The following SUV39H2 variants were observed in gnomAD, a reference collection of about 807,000 sequenced individuals.
SUV39H2 encodes the protein SUV39H2 histone lysine methyltransferase.
SUV39H2 carries 10 observed loss-of-function variants against 47.5 expected under a neutral mutation model. The observed-to-expected ratio is 0.21, with a 90% CI of 0.13 to 0.36. The LOEUF (loss-of-function observed/expected upper bound fraction) is 0.36, where lower values mean the gene tolerates loss of function less well. Among genes scored for constraint, SUV39H2 ranks in the 10% least tolerant of loss-of-function variants. SUV39H2 has a pLI of 1.00. For missense variants in SUV39H2, 266 were observed against 487.4 expected (o/e 0.55, Z 4.28); for synonymous variants, 159 against 166.8 (o/e 0.95, Z 0.36).
At position 14,898,202 on chromosome 10, in the gene SUV39H2, C is replaced by CTTTTTTTT. The variant is rs919860514; in HGVS notation, c.849+706_849+713dup. On this transcript the variant is annotated intron_variant, in intron 3 of 5. Transcript: ENST00000354919. ...AAAACTCAGTGAGGTAGTACTGTTT[C>CTTTTTTTT]TTTTTTTTTTTTTTTTTTTTTTTTT... 2.2e-3 allele frequency: 125 copies of CTTTTTTTT among 56,154 alleles called. 7 individuals are homozygous for CTTTTTTTT. The highest frequency in any genetic ancestry group is 5.6e-3 in the African/African-American group (79 of 14,150). 3.5% of individuals were successfully genotyped at this position (56,154 alleles called of 1,614,324 possible).
At position 14,896,718 on chromosome 10, in the gene SUV39H2, C is replaced by G. The variant is rs189147200; in HGVS notation, c.178-128C>G. On this transcript the variant is annotated intron_variant, in intron 2 of 5. Coordinates refer to ENST00000354919, the MANE Select transcript of SUV39H2 (RefSeq NM_001193424.2). ...TACTTCATGTGTTAGGAACCTGTGA[C>G]TACATGTTCTGAACTGTTAGTAAGA... 1.6e-3 allele frequency: 1,079 copies of G among 677,822 alleles called. 4 individuals carry two copies. Among genetic ancestry groups the G allele is most frequent in the Middle Eastern group, 5.5e-3 (13 of 2,362 alleles). The allele number at this position is 677,822 out of a possible 1,614,324, so 42.0% of individuals were successfully genotyped here.
chr10:14,898,069 T>C (rs1833713453), intron 3 of SUV39H2: 1 of 150,506 alleles, frequency 6.6e-6, no homozygotes, highest in Admixed American at 6.6e-5. Context: ...GCAAATTTAT[T>C]TGTATACAAA....
chr10:14,899,125 G>A, intron 3 of SUV39H2: 1 of 666,698 alleles, frequency 1.5e-6, no homozygotes, highest in South Asian at 1.6e-5. Context: ...TTCCAGACCA[G>A]TGTGGGCAAC....
chr10:14,897,637 G>A, intron 3 of SUV39H2, 120 bp downstream of exon 3: 2 of 901,524 alleles, frequency 2.2e-6, no homozygotes, highest in Non-Finnish European at 3.0e-6. Flanking sequence ...TTGCAGATAT[G>A]TAGAAATTTA....
At chr10:14,881,722 C>T (rs915515504) in intron 2 of SUV39H2, 77 bp downstream of exon 2, 7 of 1,226,910 alleles carry the variant, frequency 5.7e-6, no homozygotes, top group Non-Finnish European at 6.4e-6. Flanking sequence ...ATAAAAAGAA[C>T]ATTAAAAGAA....
At chr10:14,889,681 A>C (rs533606068) in intron 2 of SUV39H2, among the ~76,000 whole-genome samples, 13 of 152,300 alleles carry the variant, frequency 8.5e-5, no homozygotes, top group Admixed American at 2.0e-4. Context: ...ATAACACAGG[A>C]GGTAGGGGTG....
Position 14,902,900 on chromosome 10 carries a change from A to G in SUV39H2, c.*388A>G, listed in dbSNP as rs1287971612. The G allele has an allele frequency of 6.5e-6, 1 of 154,558 alleles. No individual in the cohort carries two copies. The highest frequency in any genetic ancestry group is 1.4e-5 in the Non-Finnish European group (1 of 69,498). The allele number at this position is 154,558 out of a possible 1,614,324, so 9.6% of individuals were successfully genotyped here. A position where few individuals can be genotyped will look rare whatever the true frequency, so the allele number is the denominator to read the frequency against. Reference sequence around the variant, plus strand: ...TGCCATACACCTCAAATTCGGAGAAACAGTTAATTTGGGCAAATCTACAGT... The same window carrying G: ...TGCCATACACCTCAAATTCGGAGAAGCAGTTAATTTGGGCAAATCTACAGT... On this transcript the variant is annotated 3_prime_UTR_variant, in exon 6 of 6. Transcript: ENST00000354919.
chr10:14,900,983 G>A, intron 4 of SUV39H2, 150 bp from the exon 5 acceptor site: 1 of 933,774 alleles, frequency 1.1e-6, no homozygotes, highest in Non-Finnish European at 1.6e-6. Flanking sequence ...CTTTTTAAAT[G>A]TGCATGCCTC....
At chr10:14,879,777 G>C (rs886090757) in intron 1 of SUV39H2, 4 of 152,156 alleles carry the variant, frequency 2.6e-5, no homozygotes, top group African/African-American at 9.7e-5. Context: ...AGAATGTCAG[G>C]GGTTACTGTG....
rs1404624946 is a variant in SUV39H2, at chr10:14,903,336, TGGA to T, written c.*825_*827del. On this transcript the variant is annotated 3_prime_UTR_variant, in exon 6 of 6. Transcript: ENST00000354919. ...AAGGGCGCCTGTTAGTAACATGAAT[TGGA>T]AATCTGTGTCGAGTACCTCTGATCT... is the stretch of plus-strand genomic sequence containing the variant. 1 of 152,158 alleles carries T rather than the reference TGGA, an allele frequency of 6.6e-6. No individual in the cohort carries two copies. Among genetic ancestry groups the T allele is most frequent in the Non-Finnish European group, 1.5e-5 (1 of 68,034 alleles). 9.4% of individuals were successfully genotyped at this position (152,158 alleles called of 1,614,324 possible). A position where few individuals can be genotyped will look rare whatever the true frequency, so the allele number is the denominator to read the frequency against.
intron 2 of SUV39H2, among the ~76,000 whole-genome samples, chr10:14,891,244 G>T (rs1833379582): frequency 6.6e-6 from 1 of 152,126 alleles, no homozygotes; most frequent in Admixed American, 6.5e-5. Context: ...AAGCAGCAGG[G>T]GCATCAAAAG....
intron 4 of SUV39H2, among the ~76,000 whole-genome samples, chr10:14,900,849 T>C (rs531012014): frequency 2.0e-5 from 3 of 152,096 alleles, no homozygotes; most frequent in African/African-American, 4.8e-5. Context: ...AAAAAAAAAG[T>C]TGGGACTAGA....
At chr10:14,899,729 C>A in intron 4 of SUV39H2, 44 bp downstream of exon 4, 1 of 1,599,638 alleles carries the variant, frequency 6.3e-7, no homozygotes, top group Non-Finnish European at 8.5e-7. Context: ...AACAATTCAA[C>A]CTAGTACTAG....
At chr10:14,886,489 T>C (rs558707222) in intron 2 of SUV39H2, among the ~76,000 whole-genome samples, 2 of 152,338 alleles carry the variant, frequency 1.3e-5, no homozygotes, top group Non-Finnish European at 2.9e-5. Flanking sequence ...CTCATTTTAG[T>C]CCCGGTACAG....
intron 2 of SUV39H2, among the ~76,000 whole-genome samples, chr10:14,884,676 T>C (rs929308809): frequency 1.3e-5 from 2 of 152,224 alleles, no homozygotes; most frequent in African/African-American, 4.8e-5. Context: ...CTTTTAGTCG[T>C]CAGATTTGAA....
At chr10:14,881,191 T>C (rs746955187) in intron 1 of SUV39H2, among the ~76,000 whole-genome samples, 5 of 152,222 alleles carry the variant, frequency 3.3e-5, no homozygotes, top group Non-Finnish European at 5.9e-5. Flanking sequence ...TCTGTTGACC[T>C]GCATCTGTAT....
chr10:14,885,246 T>C (rs1833169497), intron 2 of SUV39H2, among the ~76,000 whole-genome samples: 1 of 152,178 alleles, frequency 6.6e-6, no homozygotes, highest in African/African-American at 2.4e-5. Flanking sequence ...GTATCCAAGT[T>C]CACATTCAAA....
At chr10:14,887,423 C>A (rs565717286) in intron 2 of SUV39H2, among the ~76,000 whole-genome samples, 1 of 152,026 alleles carries the variant, frequency 6.6e-6, no homozygotes, top group South Asian at 2.1e-4. Context: ...GGTTTGGGGA[C>A]CCATTTCCAG....
At chr10:14,889,680 G>T (rs1330365090) in intron 2 of SUV39H2, among the ~76,000 whole-genome samples, 2 of 152,188 alleles carry the variant, frequency 1.3e-5, no homozygotes, top group Non-Finnish European at 2.9e-5. Flanking sequence ...AATAACACAG[G>T]AGGTAGGGGT....
Sources: allele counts gnomAD v4.1 joint callset (sites outside exome capture counted in the v4.1 genomes callset), GRCh38; gene constraint gnomAD v4.1.1; transcripts MANE v1.5; gene names NCBI Gene and HGNC (gene_info 2026-07-23, HGNC 2026-07-21).